Variants in CDH23 observed in about 807,000 individuals in gnomAD.
CDH23 encodes the protein cadherin related 23.
Under a neutral mutation model 317.1 loss-of-function variants are expected in CDH23, and 189 were observed. The observed-to-expected ratio is 0.60, with a 90% confidence interval of 0.53 to 0.67. CDH23 has a LOEUF of 0.67. Ranked by LOEUF, CDH23 falls within the 30% of genes least tolerant of loss-of-function variation. CDH23 has a pLI of 0.00. For missense variants in CDH23, 4,401 were observed against 4,592.4 expected, an observed-to-expected ratio of 0.96 and a Z score of 1.20; for synonymous variants, 1,839 against 1,876.8, an observed-to-expected ratio of 0.98 and a Z score of 0.52.
intron 9 of CDH23, among the ~76,000 whole-genome samples, chr10:71,582,748 C>A (rs371952543): frequency 6.6e-6 from 1 of 152,196 alleles, no homozygotes; most frequent in African/African-American, 2.4e-5. Context: ...TTCATTCCCA[C>A]CCACAGTTGA....
intron 2 of CDH23, among the ~76,000 whole-genome samples, chr10:71,440,440 G>A (rs566543267): frequency 5.1e-4 from 76 of 147,690 alleles, no homozygotes; most frequent in African/African-American, 1.8e-3. Flanking sequence ...AAGAAAAGAT[G>A]AATTGGGCCT....
rs554122532 is a variant in CDH23 at position 71,761,865 on chromosome 10, T to C, written c.4846-15815T>C. On this transcript the variant is annotated intron_variant, in intron 38 of 69. Transcript: ENST00000224721. ...CGGATGGGCCGGCGCTCTGAGCAGG[T>C]CTGCACCTCGCCCCTCGAGCTGCGG... 4.8e-5 allele frequency: 78 copies of C among 1,614,098 alleles called. No homozygotes were observed. In the South Asian group the frequency reaches 8.0e-4, roughly 17 times the overall value.
At chr10:71,682,152 G>T (rs1490674093) in intron 17 of CDH23, among the ~76,000 whole-genome samples, 2 of 152,246 alleles carry the variant, frequency 1.3e-5, no homozygotes, top group Non-Finnish European at 2.9e-5. Context: ...TCTGTTGAGA[G>T]CTGTGTGACC....
At chr10:71,410,678 C>G (rs1848308942) in intron 1 of CDH23, among the ~76,000 whole-genome samples, 1 of 152,156 alleles carries the variant, frequency 6.6e-6, no homozygotes, top group Non-Finnish European at 1.5e-5. Context: ...TAACTCCTAT[C>G]CTGACTTCTA....
intron 3 of CDH23, among the ~76,000 whole-genome samples, chr10:71,504,043 T>G (rs551414756): frequency 2.6e-5 from 4 of 151,938 alleles, no homozygotes; most frequent in Non-Finnish European, 5.9e-5. Flanking sequence ...TTTTTTTTTT[T>G]AATTTAATTA....
intron 3 of CDH23, among the ~76,000 whole-genome samples, chr10:71,484,525 A>G (rs907252872): frequency 9.2e-5 from 14 of 152,098 alleles, no homozygotes; most frequent in African/African-American, 3.1e-4. Flanking sequence ...TTTGTGTGGC[A>G]CTCAGGGAAT....
intron 34 of CDH23, among the ~76,000 whole-genome samples, chr10:71,737,322 G>A (rs1839594355): frequency 6.6e-6 from 1 of 152,180 alleles, no homozygotes; most frequent in Non-Finnish European, 1.5e-5. Flanking sequence ...GTGTCATTCT[G>A]ATTTTCAGCT....
intron 38 of CDH23, among the ~76,000 whole-genome samples, chr10:71,768,252 C>T (rs1193727359): frequency 6.6e-6 from 1 of 152,136 alleles, no homozygotes; most frequent in Non-Finnish European, 1.5e-5. Context: ...CTCACTGCAA[C>T]CTCCGCCTCC....
At chr10:71,734,778 C>A in intron 34 of CDH23, 120 bp downstream of exon 34, 1 of 587,854 alleles carries the variant, frequency 1.7e-6, no homozygotes, top group Non-Finnish European at 3.1e-6. Flanking sequence ...GACAGGCCTG[C>A]AGCAGGCCCC....
intron 22 of CDH23, among the ~76,000 whole-genome samples, chr10:71,699,830 G>A (rs907487572): frequency 2.0e-5 from 3 of 152,132 alleles, no homozygotes; most frequent in African/African-American, 7.2e-5. Flanking sequence ...ACCCTCTCCT[G>A]TACTCCCAAC....
chr10:71,679,250 G>C (rs1864506781), intron 16 of CDH23, 137 bp from the exon 17 acceptor site: 2 of 681,780 alleles, frequency 2.9e-6, no homozygotes, highest in East Asian at 5.4e-5. Context: ...CCTGGGCCAG[G>C]ACAAGACCCA....
intron 14 of CDH23, among the ~76,000 whole-genome samples, chr10:71,668,758 C>T (rs75094210): frequency 0.027 from 4,142 of 152,350 alleles, 90 homozygotes; most frequent in Middle Eastern, 0.099. Flanking sequence ...ATTGCTGACT[C>T]AGGCCTCACC....
Position 71,805,964 on chromosome 10 carries a change from G to A in CDH23, c.8031G>A (p.Gln2677=), listed in dbSNP as rs777125207. The change falls in exon 56 of 70, where the codon CAG becomes CAA. Residue 2677 remains glutamine, a synonymous_variant. Coordinates refer to ENST00000224721, the MANE Select transcript of CDH23 (RefSeq NM_022124.6). ...DPISGLIQTA[Q]RLDRESQAVY... ...TCAGCGGCCTCATCCAGACTGCTCA[G>A]CGCCTGGACCGCGAGTCGCAGGCGG... The A allele has an allele frequency of 6.2e-7, 1 of 1,613,210 alleles. No individual in the cohort carries two copies. The highest frequency in any genetic ancestry group is 1.7e-5 in the Admixed American group (1 of 59,962).
At chr10:71,530,069 A>ACACACACACACACACACC (rs1260256322) in intron 6 of CDH23, among the ~76,000 whole-genome samples, 1 of 145,012 alleles carries the variant, frequency 6.9e-6, no homozygotes, top group Admixed American at 6.8e-5. Context: ...ACACACACAC[A>ACACACACACACACACACC]CTCTCCCCAG....
At chr10:71,556,037 C>A (rs1856857661) in intron 6 of CDH23, among the ~76,000 whole-genome samples, 1 of 152,082 alleles carries the variant, frequency 6.6e-6, no homozygotes, top group African/African-American at 2.4e-5. Flanking sequence ...GAAGGCAGGT[C>A]AAAAAGACAG....
intron 2 of CDH23, among the ~76,000 whole-genome samples, chr10:71,443,261 C>T (rs10823752): frequency 0.34 from 51,887 of 151,996 alleles, 9,082 homozygotes; most frequent in Middle Eastern, 0.47. Context: ...GAGGAACCCC[C>T]ACCCCGCAAT....
chr10:71,680,012 G>A (rs61287023), intron 17 of CDH23, among the ~76,000 whole-genome samples: 7,045 of 152,272 alleles, frequency 0.046, 280 homozygotes, highest in African/African-American at 0.1. Context: ...CAGAGACAGG[G>A]AGCAACTTGC....
chr10:71,688,098 A>C lies in CDH23; in HGVS notation c.2059+379A>C, dbSNP rs990466720. ...GGCAGGTCCCAGGGGCCATGATTTC[A>C]GAGGGGTGGCCTTACAGCGGGGCAT... On this transcript the variant is annotated intron_variant, in intron 19 of 69. Transcript: ENST00000224721. Among the ~76,000 whole-genome samples, 3 of 152,298 alleles carry C rather than the reference A, an allele frequency of 2.0e-5. No homozygotes were observed. In the East Asian group the frequency reaches 5.8e-4, roughly 29 times the overall value.
chr10:71,458,396 C>T (rs957081024), intron 3 of CDH23, among the ~76,000 whole-genome samples: 11 of 152,246 alleles, frequency 7.2e-5, no homozygotes, highest in South Asian at 2.1e-4. Flanking sequence ...AATGCCAGCT[C>T]TGCCACTTAT....
Sources: allele counts gnomAD v4.1 joint callset (sites outside exome capture counted in the v4.1 genomes callset), GRCh38; gene constraint gnomAD v4.1.1; transcripts MANE v1.5; gene names NCBI Gene and HGNC (gene_info 2026-07-23, HGNC 2026-07-21).